The following SCRG1 variants were observed in gnomAD, a reference collection of about 807,000 sequenced individuals.
SCRG1 encodes the protein scrapie-responsive protein 1.
A neutral mutation model predicts 7.7 loss-of-function variants in SCRG1; 3 were observed. That is an observed-to-expected ratio of 0.39 (90% CI 0.18 to 1.01). The LOEUF is 1.01. Ranked by LOEUF, SCRG1 falls within the 50% of genes least tolerant of loss-of-function variation. SCRG1 has a pLI of 0.36. For synonymous variants in SCRG1, 46 were observed against 41.2 expected, an observed-to-expected ratio of 1.12 and a Z score of -0.44; for missense variants, 110 against 117.2, an observed-to-expected ratio of 0.94 and a Z score of 0.28.
At chr4:173,513,658 A>G in the SCRG1 span, among the ~76,000 whole-genome samples, 1 of 152,198 alleles carries the variant, frequency 6.6e-6, no homozygotes, top group Non-Finnish European at 1.5e-5. Context: ...AGTCAGGTGG[A>G]ATCTCACACC....
chr4:173,505,048 G>T, the SCRG1 span, among the ~76,000 whole-genome samples: 1 of 152,192 alleles, frequency 6.6e-6, no homozygotes. This position sits in a 1 kb window ranked among gnomAD's most constrained non-coding sequence, Gnocchi z 4.4. Context: ...TTCTGTCACT[G>T]TAATGACTGT....
the SCRG1 span, among the ~76,000 whole-genome samples, chr4:173,466,000 A>G: frequency 6.6e-6 from 1 of 152,146 alleles, no homozygotes; most frequent in Non-Finnish European, 1.5e-5. Flanking sequence ...GAGGATAATT[A>G]CCAGCAATAA....
chr4:173,394,427 G>A (rs958391242), intron 1 of SCRG1, among the ~76,000 whole-genome samples: 1 of 151,984 alleles, frequency 6.6e-6, no homozygotes, highest in Non-Finnish European at 1.5e-5. Flanking sequence ...GGCAGATCAC[G>A]AGGTCAGGAG....
the SCRG1 span, among the ~76,000 whole-genome samples, chr4:173,429,284 GA>G: frequency 8.0e-6 from 1 of 125,054 alleles, no homozygotes; most frequent in South Asian, 2.4e-4. Flanking sequence ...GAAGGTATGA[GA>G]AAAAAAATTT....
chr4:173,499,654 C>T, the SCRG1 span, among the ~76,000 whole-genome samples: 2 of 152,184 alleles, frequency 1.3e-5, no homozygotes, highest in African/African-American at 2.4e-5. The surrounding 1 kb of genome is among the most constrained non-coding windows in gnomAD (Gnocchi z 4.1). Context: ...TCCCTACTCC[C>T]GCCCATCTTC....
the SCRG1 span, among the ~76,000 whole-genome samples, chr4:173,417,552 C>G: frequency 6.6e-6 from 1 of 152,150 alleles, no homozygotes; most frequent in Non-Finnish European, 1.5e-5. Context: ...ACAGACATGA[C>G]CTCATGATCT....
the SCRG1 span, among the ~76,000 whole-genome samples, chr4:173,455,936 G>A: frequency 6.6e-6 from 1 of 152,070 alleles, no homozygotes; most frequent in Non-Finnish European, 1.5e-5. Context: ...GTTGTCAAGA[G>A]GAAGATTTCC....
At chr4:173,405,997 C>A (rs60899187) in intron 1 of SCRG1, among the ~76,000 whole-genome samples, 4,027 of 152,326 alleles carry the variant, frequency 0.026, 169 homozygotes, top group African/African-American at 0.087. Flanking sequence ...AGGAAATATA[C>A]TGTGTATACC....
At chr4:173,483,250 A>G in the SCRG1 span, among the ~76,000 whole-genome samples, 2 of 62,326 alleles carry the variant, frequency 3.2e-5, no homozygotes, top group African/African-American at 1.3e-4. Flanking sequence ...ATGATATATC[A>G]TATATGATAT....
At chr4:173,397,782 C>T (rs1739646973) in intron 1 of SCRG1, among the ~76,000 whole-genome samples, 1 of 152,168 alleles carries the variant, frequency 6.6e-6, no homozygotes, top group African/African-American at 2.4e-5. Context: ...GGTGCAAATG[C>T]TCATACAGGC....
chr4:173,482,450 A>C, the SCRG1 span, among the ~76,000 whole-genome samples: 1 of 152,140 alleles, frequency 6.6e-6, no homozygotes, highest in African/African-American at 2.4e-5. Context: ...ACTTCCATCT[A>C]AACATACTGT....
intron 2 of SCRG1, 141 bp downstream of exon 2, chr4:173,391,032 A>G: frequency 1.2e-6 from 1 of 810,122 alleles, no homozygotes; most frequent in South Asian, 1.6e-5. Flanking sequence ...CACAATAGTG[A>G]TTATTCTAGA....
At chr4:173,515,947 C>T in the SCRG1 span, among the ~76,000 whole-genome samples, 5 of 152,188 alleles carry the variant, frequency 3.3e-5, no homozygotes, top group South Asian at 2.1e-4. This position sits in a 1 kb window ranked among gnomAD's most constrained non-coding sequence, Gnocchi z 4.6. Flanking sequence ...GGTTGTTTGG[C>T]GACTTTCATT....
At chr4:173,424,399 G>T in the SCRG1 span, among the ~76,000 whole-genome samples, 2 of 152,134 alleles carry the variant, frequency 1.3e-5, no homozygotes, top group South Asian at 4.1e-4. Context: ...TAATACCATT[G>T]TGTGTCAACA....
chr4:173,427,566 G>A, the SCRG1 span, among the ~76,000 whole-genome samples: 4 of 152,198 alleles, frequency 2.6e-5, no homozygotes. Flanking sequence ...GCCACACATA[G>A]CCTATGGGAA....
At chr4:173,484,516 A>ATATAATATATATTATATATTATATG in the SCRG1 span, among the ~76,000 whole-genome samples, 37 of 79,572 alleles carry the variant, frequency 4.6e-4, no homozygotes, top group Non-Finnish European at 6.3e-4. Flanking sequence ...TATATTATAT[A>ATATAATATATATTATATATTATATG]CATATAATAT....
At chr4:173,412,193 T>G in the SCRG1 span, among the ~76,000 whole-genome samples, 1 of 152,146 alleles carries the variant, frequency 6.6e-6, no homozygotes, top group Non-Finnish European at 1.5e-5. Context: ...TTTGGTGGCA[T>G]GTGGTCTAAC....
At chr4:173,458,521 G>GAGTT in the SCRG1 span, among the ~76,000 whole-genome samples, 1 of 152,158 alleles carries the variant, frequency 6.6e-6, no homozygotes, top group Non-Finnish European at 1.5e-5. Context: ...ATGCTCAAAG[G>GAGTT]AGTTCTACAT....
the SCRG1 span, among the ~76,000 whole-genome samples, chr4:173,485,842 C>T: frequency 2.6e-5 from 4 of 151,992 alleles, no homozygotes; most frequent in Admixed American, 1.3e-4. Context: ...TGGTGGCACA[C>T]ACCTGTAATC....
Sources: allele counts gnomAD v4.1 joint callset (sites outside exome capture counted in the v4.1 genomes callset), GRCh38; gene constraint gnomAD v4.1.1; non-coding constraint Gnocchi (gnomAD v3.1); transcripts MANE v1.5; gene names NCBI Gene and HGNC (gene_info 2026-07-23, HGNC 2026-07-21).